Variants in CTNNA3 observed in about 807,000 individuals in gnomAD.
CTNNA3 encodes the protein catenin alpha-3.
CTNNA3 carries 76 observed loss-of-function variants against 95.7 expected under a neutral mutation model. The observed-to-expected ratio is 0.79, with a 90% confidence interval of 0.66 to 0.96. CTNNA3 has a LOEUF of 0.96. Among genes scored for constraint, CTNNA3 ranks in the 40% least tolerant of loss-of-function variants. CTNNA3 has a pLI of 0.00. For synonymous variants in CTNNA3, 431 were observed against 374.4 expected (o/e 1.15, Z -1.74); for missense variants, 1,191 against 1,089.8 (o/e 1.09, Z -1.31).
rs545569591 is a variant in CTNNA3 at position 65,938,014 on chromosome 10, T to C, written c.2401-17397A>G. Among the ~76,000 whole-genome samples the C allele has an allele frequency of 6.9e-4, 102 of 147,000 alleles. 6 individuals carry two copies. The South Asian group carries it at 0.022, about 31-fold the overall frequency. On this transcript the variant is annotated intron_variant, in intron 17 of 17. Coordinates refer to ENST00000433211, the MANE Select transcript of CTNNA3 (RefSeq NM_013266.4). ...AACCATGTATTAGTTATTCTGATGT[T>C]GTCTTTGATAAGAACTAAGAACATT...
In CTNNA3 at chr10:66,799,110, CT is replaced by C. The variant is rs1402403235; in HGVS notation, c.1048-23587del. Among the ~76,000 whole-genome samples, 5 of 151,630 alleles carry C rather than the reference CT, an allele frequency of 3.3e-5. No individual in the cohort carries two copies. The East Asian group carries it at 7.7e-4, about 23-fold the overall frequency. Reference sequence around the variant, plus strand: ...CAGAATCAAAATGATCTGCCAGTGACTTAATTCACTGTCAGAACAAACCTCA... The same window carrying C: ...CAGAATCAAAATGATCTGCCAGTGACTAATTCACTGTCAGAACAAACCTCA... On this transcript the variant is annotated intron_variant, in intron 7 of 17. Coordinates refer to ENST00000433211, the MANE Select transcript of CTNNA3 (RefSeq NM_013266.4).
intron 5 of CTNNA3, among the ~76,000 whole-genome samples, chr10:67,253,946 C>T (rs976199284): frequency 6.6e-6 from 1 of 152,156 alleles, no homozygotes; most frequent in Non-Finnish European, 1.5e-5. Context: ...AAAATATGTA[C>T]TGTGTGTCCA....
chr10:65,926,691 G>A (rs914218738), intron 17 of CTNNA3, among the ~76,000 whole-genome samples: 5 of 152,082 alleles, frequency 3.3e-5, no homozygotes, highest in Admixed American at 6.5e-5. Flanking sequence ...GGTCAGGCTC[G>A]TCTTGAACTC....
At chr10:67,569,127 A>G (rs1841904525) in intron 3 of CTNNA3, among the ~76,000 whole-genome samples, 1 of 152,174 alleles carries the variant, frequency 6.6e-6, no homozygotes, top group East Asian at 1.9e-4. Context: ...AATTAGCTAC[A>G]TTGCTTGTAA....
chr10:66,889,790 CTT>C (rs71468807), intron 7 of CTNNA3, among the ~76,000 whole-genome samples: 75 of 131,014 alleles, frequency 5.7e-4, no homozygotes, highest in East Asian at 1.6e-3. Context: ...AACCACAGAC[CTT>C]TTTTTTTTTT....
intron 2 of CTNNA3, among the ~76,000 whole-genome samples, 173 bp downstream of exon 2, chr10:67,647,241 AT>A (rs1244733297): frequency 6.6e-5 from 10 of 150,610 alleles, no homozygotes; most frequent in Admixed American, 2.0e-4. Flanking sequence ...ACTTTTTCAC[AT>A]CTTAACAACA....
intron 13 of CTNNA3, among the ~76,000 whole-genome samples, chr10:66,262,583 C>A (rs1042091088): frequency 1.3e-5 from 2 of 149,624 alleles, no homozygotes; most frequent in African/African-American, 4.9e-5. Flanking sequence ...ATAGAATGGT[C>A]TTTTTTTTTG....
intron 12 of CTNNA3, among the ~76,000 whole-genome samples, chr10:66,317,771 G>A (rs1375793493): frequency 6.6e-6 from 1 of 151,990 alleles, no homozygotes; most frequent in Non-Finnish European, 1.5e-5. Flanking sequence ...GTAAAGGAAT[G>A]CATGGTGATT....
intron 17 of CTNNA3, among the ~76,000 whole-genome samples, chr10:65,927,916 T>C (rs2077191585): frequency 6.6e-6 from 1 of 152,160 alleles, no homozygotes; most frequent in Admixed American, 6.5e-5. Context: ...CCACCAGCAA[T>C]GTATGAGCAT....
At chr10:67,640,109 T>C (rs1366802290) in intron 2 of CTNNA3, among the ~76,000 whole-genome samples, 1 of 152,274 alleles carries the variant, frequency 6.6e-6, no homozygotes, top group East Asian at 1.9e-4. Flanking sequence ...AAAACCCCAT[T>C]GTCTCAGCCC....
intron 7 of CTNNA3, among the ~76,000 whole-genome samples, chr10:66,849,562 G>A (rs1490540212): frequency 6.6e-6 from 1 of 152,108 alleles, no homozygotes; most frequent in African/African-American, 2.4e-5. Context: ...AGGTCATACT[G>A]GATTGGAGTG....
intron 8 of CTNNA3, among the ~76,000 whole-genome samples, chr10:66,767,439 C>G (rs1325175925): frequency 7.6e-6 from 1 of 131,522 alleles, no homozygotes; most frequent in Non-Finnish European, 1.6e-5. Flanking sequence ...GAGTGAGACT[C>G]CATCCACTCC....
intron 7 of CTNNA3, among the ~76,000 whole-genome samples, chr10:67,114,712 GT>G (rs1859081611): frequency 2.0e-5 from 1 of 51,132 alleles, no homozygotes; most frequent in Non-Finnish European, 4.4e-5. Flanking sequence ...TCTTAAAGGT[GT>G]GTGTGTGTGT....
At chr10:66,999,935 CA>C (rs1851580036) in intron 7 of CTNNA3, among the ~76,000 whole-genome samples, 1 of 152,150 alleles carries the variant, frequency 6.6e-6, no homozygotes, top group South Asian at 2.1e-4. Flanking sequence ...GGCTTTAGAT[CA>C]GTGACTAGAT....
rs146843002 is a variant in CTNNA3, at chr10:67,718,139, T to C, written c.-2+45295A>G. On this transcript the variant is annotated intron_variant, in intron 1 of 17. Transcript: ENST00000684154. ...TCTGTCTGTTATTGGTGTATAGAAATGCTTGTGATTTTTGCACATTAATTT... is the reference window on the plus strand; with the variant it reads ...TCTGTCTGTTATTGGTGTATAGAAACGCTTGTGATTTTTGCACATTAATTT... 2.0e-3 allele frequency among the ~76,000 whole-genome samples: 306 copies of C among 152,336 alleles called. 1 individual carries two copies. The highest frequency in any genetic ancestry group is 6.9e-3 in the African/African-American group (288 of 41,576).
At chr10:66,006,287 A>G (rs1668771343) in intron 15 of CTNNA3, among the ~76,000 whole-genome samples, 1 of 152,054 alleles carries the variant, frequency 6.6e-6, no homozygotes, top group African/African-American at 2.4e-5. Context: ...TGCTGGGATT[A>G]CAGGTGTGAG....
chr10:66,427,951 G>A (rs1445947296), intron 11 of CTNNA3, among the ~76,000 whole-genome samples: 1 of 152,078 alleles, frequency 6.6e-6, no homozygotes, highest in South Asian at 2.1e-4. Flanking sequence ...AAAAGACACA[G>A]ACTGGCAAAT....
chr10:67,018,363 G>A (rs1192977686), intron 7 of CTNNA3, among the ~76,000 whole-genome samples: 1 of 152,074 alleles, frequency 6.6e-6, no homozygotes, highest in East Asian at 1.9e-4. Flanking sequence ...ACTTTTTAAA[G>A]GCAACACCCC....
At chr10:67,397,404 G>A (rs1203662831) in intron 5 of CTNNA3, among the ~76,000 whole-genome samples, 1 of 152,210 alleles carries the variant, frequency 6.6e-6, no homozygotes, top group East Asian at 1.9e-4. Context: ...GAAACTGGCA[G>A]CATTTTGCCC....
Sources: allele counts gnomAD v4.1 joint callset (sites outside exome capture counted in the v4.1 genomes callset), GRCh38; gene constraint gnomAD v4.1.1; transcripts MANE v1.5; gene names NCBI Gene and HGNC (gene_info 2026-07-23, HGNC 2026-07-21).